THRB: variants seen among roughly 807,000 people sequenced by gnomAD.
The protein encoded by THRB is thyroid hormone receptor beta, also known as nuclear receptor subfamily 1 group A member 2.
In THRB, 12 loss-of-function variants were observed where a neutral mutation model predicts 47.8. The ratio of observed to expected loss-of-function variants is 0.25; its 90% CI spans 0.16 to 0.41. The LOEUF is 0.41. THRB is among the 10% of genes least tolerant of loss of function. THRB has a pLI of 1.00. For missense variants in THRB, 348 were observed against 589.2 expected (o/e 0.59, Z 4.24); for synonymous variants, 218 against 212.2 (o/e 1.03, Z -0.24).
At chr3:24,249,542 ACCTCTAACCC>A (rs879692826) in intron 3 of THRB, among the ~76,000 whole-genome samples, 10,154 of 152,204 alleles carry the variant, frequency 0.067, 756 homozygotes, top group African/African-American at 0.18. Flanking sequence ...AGGGCTGCTT[ACCTCTAACCC>A]AGAACTTAAA....
intron 1 of THRB, among the ~76,000 whole-genome samples, chr3:24,488,949 T>G (rs1697719867): frequency 6.6e-6 from 1 of 152,206 alleles, no homozygotes; most frequent in Non-Finnish European, 1.5e-5. Context: ...CGATGGATGT[T>G]GGTCAATCAA....
At chr3:24,322,464 C>G (rs1467909525) in intron 2 of THRB, among the ~76,000 whole-genome samples, 2 of 152,124 alleles carry the variant, frequency 1.3e-5, no homozygotes, top group African/African-American at 4.8e-5. Flanking sequence ...TGGGCCAGGC[C>G]CACCTCCCAT....
Position 24,271,625 on chromosome 3 carries a change from A to G in THRB, c.-43+25601T>C, listed in dbSNP as rs139827269. Reference sequence around the variant, plus strand: ...CCTGGGCCCTCTTTGAATTCCAAGAAGCTCCTATTCTTACCAGAATTAGAA... The same window carrying G: ...CCTGGGCCCTCTTTGAATTCCAAGAGGCTCCTATTCTTACCAGAATTAGAA... On this transcript the variant is annotated intron_variant, in intron 3 of 10. Transcript: ENST00000646209. Among the ~76,000 whole-genome samples, 899 of 152,268 alleles carry G rather than the reference A, an allele frequency of 5.9e-3. 14 individuals carry two copies. The highest frequency in any genetic ancestry group is 0.02 in the African/African-American group (845 of 41,546).
chr3:24,195,295 C>A (rs1443270230), intron 4 of THRB, among the ~76,000 whole-genome samples: 1 of 152,134 alleles, frequency 6.6e-6, no homozygotes, highest in Non-Finnish European at 1.5e-5. Context: ...GACAAGGAAC[C>A]TAAAATTAAG....
intron 3 of THRB, among the ~76,000 whole-genome samples, chr3:24,243,943 T>C (rs2049848597): frequency 6.6e-6 from 1 of 152,062 alleles, no homozygotes; most frequent in Non-Finnish European, 1.5e-5. Flanking sequence ...AAATAAATTT[T>C]CTCAAAAATG....
intron 3 of THRB, among the ~76,000 whole-genome samples, chr3:24,232,258 G>A (rs1315640178): frequency 6.6e-6 from 1 of 152,216 alleles, no homozygotes; most frequent in African/African-American, 2.4e-5. Flanking sequence ...CGAGGCCTTG[G>A]TTGAGGCTAC....
intron 2 of THRB, among the ~76,000 whole-genome samples, chr3:24,299,767 T>TTTG (rs2056776210): frequency 1.8e-5 from 1 of 54,436 alleles, no homozygotes; most frequent in Non-Finnish European, 3.4e-5. Flanking sequence ...GGAAGTATGC[T>TTTG]TTTTTATTTA....
chr3:24,420,897 A>T (rs1304721460), intron 1 of THRB, among the ~76,000 whole-genome samples: 2 of 151,986 alleles, frequency 1.3e-5, no homozygotes, highest in Non-Finnish European at 2.9e-5. Context: ...ACACATGCAC[A>T]TGTATGTTCA....
At chr3:24,164,802 G>A (rs1404074672) in intron 5 of THRB, among the ~76,000 whole-genome samples, 1 of 152,048 alleles carries the variant, frequency 6.6e-6, no homozygotes, top group South Asian at 2.1e-4. Context: ...AATACAGAAA[G>A]GCAACTCACT....
chr3:24,314,004 GTTC>G (rs749778988), intron 2 of THRB, among the ~76,000 whole-genome samples: 25 of 152,232 alleles, frequency 1.6e-4, no homozygotes, highest in Middle Eastern at 3.4e-3. Flanking sequence ...GCTTTTTCTT[GTTC>G]TTCTTTTCGA....
At chr3:24,223,753 T>C (rs1190059263) in intron 4 of THRB, among the ~76,000 whole-genome samples, 1 of 152,052 alleles carries the variant, frequency 6.6e-6, no homozygotes, top group Non-Finnish European at 1.5e-5. Context: ...GAGAAAAATA[T>C]ATATACTGTT....
intron 1 of THRB, among the ~76,000 whole-genome samples, chr3:24,489,587 G>A (rs2125948895): frequency 6.6e-6 from 1 of 152,258 alleles, no homozygotes; most frequent in South Asian, 2.1e-4. Flanking sequence ...CCCCTGATTT[G>A]CTATTTGGAA....
At chr3:24,378,737 T>C (rs115831087) in intron 1 of THRB, among the ~76,000 whole-genome samples, 3,015 of 152,248 alleles carry the variant, frequency 0.02, 88 homozygotes, top group African/African-American at 0.066. Flanking sequence ...TTAATAAACA[T>C]GTATGAATTA....
chr3:24,470,663 C>G (rs1016533393), intron 1 of THRB, among the ~76,000 whole-genome samples: 3 of 152,194 alleles, frequency 2.0e-5, no homozygotes, highest in African/African-American at 7.2e-5. Flanking sequence ...TTCTCCCAGG[C>G]TGGAGTGCAA....
intron 4 of THRB, among the ~76,000 whole-genome samples, chr3:24,228,654 GA>G (rs1222928685): frequency 3.0e-4 from 45 of 148,600 alleles, no homozygotes; most frequent in African/African-American, 1.0e-3. Flanking sequence ...AAAAAAAAAG[GA>G]AAAAAAAGAA....
chr3:24,162,930 G>C (rs1291796366), intron 5 of THRB, among the ~76,000 whole-genome samples: 2 of 152,064 alleles, frequency 1.3e-5, no homozygotes, highest in Non-Finnish European at 2.9e-5. Context: ...TAACACAGCT[G>C]CAGTATTGGA....
intron 1 of THRB, among the ~76,000 whole-genome samples, chr3:24,474,336 C>A (rs1695133866): frequency 6.6e-6 from 1 of 152,206 alleles, no homozygotes; most frequent in African/African-American, 2.4e-5. Flanking sequence ...ATTTAGTCTT[C>A]CTTTGGTATG....
intron 3 of THRB, among the ~76,000 whole-genome samples, chr3:24,287,137 A>G (rs543276629): frequency 2.0e-5 from 3 of 152,308 alleles, no homozygotes; most frequent in South Asian, 4.1e-4. Flanking sequence ...AGTGGGTTCT[A>G]CATAGATATC....
At chr3:24,188,292 C>G (rs2149562640) in intron 5 of THRB, among the ~76,000 whole-genome samples, 1 of 152,256 alleles carries the variant, frequency 6.6e-6, no homozygotes. Context: ...CACTATAAGT[C>G]AGGTACTTTG....
Sources: gnomAD v4.1 joint callset for allele counts (sites outside exome capture counted in the v4.1 genomes callset) on GRCh38, gnomAD v4.1.1 for gene constraint, MANE v1.5 for transcripts, NCBI Gene and HGNC (gene_info 2026-07-23, HGNC 2026-07-21) for gene names.